The following DLGAP2 variants were observed in gnomAD, a reference collection of about 807,000 sequenced individuals.
DLGAP2 encodes the protein disks large-associated protein 2.
In DLGAP2, 26 loss-of-function variants were observed where a neutral mutation model predicts 100.3. The observed-to-expected ratio is 0.26, with a 90% CI of 0.19 to 0.36. DLGAP2 has a LOEUF of 0.36. DLGAP2 is among the 10% of genes least tolerant of loss of function. The pLI is 1.00. For synonymous variants in DLGAP2, 886 were observed against 630.1 expected (o/e 1.41, Z -6.08); for missense variants, 1,858 against 1,453.2 (o/e 1.28, Z -4.53).
At chr8:1,210,455 AGT>A (rs1563255583) in intron 2 of DLGAP2, among the ~76,000 whole-genome samples, 1 of 152,160 alleles carries the variant, frequency 6.6e-6, no homozygotes, top group African/African-American at 2.4e-5. Flanking sequence ...GAGCAGCAGG[AGT>A]GTGTGGGGGG....
chr8:1,374,797 A>G (rs1379673771), intron 3 of DLGAP2, among the ~76,000 whole-genome samples: 1 of 152,224 alleles, frequency 6.6e-6, no homozygotes, highest in Non-Finnish European at 1.5e-5. Flanking sequence ...TCAAGGCTTC[A>G]GTCCGAATCG....
chr8:1,205,434 G>C (rs899132460), intron 2 of DLGAP2, among the ~76,000 whole-genome samples: 2 of 151,762 alleles, frequency 1.3e-5, no homozygotes, highest in African/African-American at 4.9e-5. Context: ...TTCCTGAAAA[G>C]GCTCTAGAAA....
At chr8:1,129,571 G>T (rs1382049876) in intron 2 of DLGAP2, among the ~76,000 whole-genome samples, 1 of 152,116 alleles carries the variant, frequency 6.6e-6, no homozygotes, top group African/African-American at 2.4e-5. Flanking sequence ...TTCGAGAGGG[G>T]CACCTGCTCC....
intron 1 of DLGAP2, among the ~76,000 whole-genome samples, chr8:801,618 G>A (rs941738490): frequency 1.3e-5 from 2 of 152,156 alleles, no homozygotes; most frequent in African/African-American, 2.4e-5. Flanking sequence ...CTCGCTGGAC[G>A]GTGGGGCTGC....
intron 3 of DLGAP2, among the ~76,000 whole-genome samples, chr8:1,453,233 G>A (rs958964059): frequency 3.9e-5 from 6 of 152,238 alleles, no homozygotes; most frequent in African/African-American, 9.6e-5. Context: ...GAGCTGGGAC[G>A]GAGACGGGAA....
intron 8 of DLGAP2, among the ~76,000 whole-genome samples, chr8:1,634,942 T>G (rs1797733188): frequency 1.3e-5 from 2 of 152,076 alleles, no homozygotes. Flanking sequence ...CCATTCAGAG[T>G]TTCTACCGGA....
At chr8:738,207 G>A (rs1455424800) in intron 1 of DLGAP2, 3 of 163,508 alleles carry the variant, frequency 1.8e-5, no homozygotes, top group Non-Finnish European at 4.0e-5. Flanking sequence ...CCTAGCTCCG[G>A]TGGGGCAGCT....
At chr8:801,224 A>G (rs553062683) in intron 1 of DLGAP2, among the ~76,000 whole-genome samples, 104 of 152,342 alleles carry the variant, frequency 6.8e-4, no homozygotes, top group African/African-American at 2.4e-3. Context: ...GCCGCAAAGC[A>G]ATAATTATGA....
chr8:934,765 G>A (rs1376171407), intron 2 of DLGAP2, among the ~76,000 whole-genome samples: 2 of 152,138 alleles, frequency 1.3e-5, no homozygotes, highest in African/African-American at 4.8e-5. Context: ...AACATTTGGG[G>A]AACCAGAGTA....
At chr8:1,574,162 G>C (rs1802869087) in intron 6 of DLGAP2, among the ~76,000 whole-genome samples, 1 of 152,124 alleles carries the variant, frequency 6.6e-6, no homozygotes, top group Admixed American at 6.6e-5. Flanking sequence ...ATATTTTATA[G>C]TAACACTATT....
In DLGAP2 at chr8:1,029,149, G is replaced by A. The variant is rs116671566; in HGVS notation, c.73+121183G>A. On this transcript the variant is annotated intron_variant, in intron 2 of 14. Coordinates refer to ENST00000637795, the MANE Select transcript of DLGAP2 (RefSeq NM_001346810.2). ...GCGTGGCCGGCCAGGTCCCCAGGGCGTGCCTGTGATCTTGAGTCTAGCAGG... is the reference window on the plus strand; with the variant it reads ...GCGTGGCCGGCCAGGTCCCCAGGGCATGCCTGTGATCTTGAGTCTAGCAGG... Among the ~76,000 whole-genome samples the A allele has an allele frequency of 4.3e-3, 654 of 152,292 alleles. 5 individuals are homozygous for A. The highest frequency in any genetic ancestry group is 0.015 in the African/African-American group (612 of 41,566).
chr8:1,450,589 A>C (rs897762853), intron 3 of DLGAP2, among the ~76,000 whole-genome samples: 1 of 152,074 alleles, frequency 6.6e-6, no homozygotes, highest in Non-Finnish European at 1.5e-5. Flanking sequence ...CCATGGCCCC[A>C]GGGCTACTTC....
intron 2 of DLGAP2, among the ~76,000 whole-genome samples, chr8:1,012,666 G>A (rs1801329210): frequency 1.7e-5 from 2 of 118,396 alleles, no homozygotes; most frequent in East Asian, 2.4e-4. Flanking sequence ...CCACTTCAGC[G>A]GCAGTGTGGA....
intron 1 of DLGAP2, among the ~76,000 whole-genome samples, chr8:741,312 C>G (rs1396430581): frequency 6.6e-6 from 1 of 152,232 alleles, no homozygotes; most frequent in East Asian, 1.9e-4. Flanking sequence ...CAAGGCTTAA[C>G]AGCAGTAACA....
At chr8:1,009,649 C>T (rs980452465) in intron 2 of DLGAP2, among the ~76,000 whole-genome samples, 5 of 152,148 alleles carry the variant, frequency 3.3e-5, no homozygotes, top group Non-Finnish European at 7.3e-5. Flanking sequence ...ACTGACTTAG[C>T]TCAATGTTGG....
In DLGAP2 at chr8:1,276,351, A is replaced by G. The variant is rs1799695903; in HGVS notation, c.106+17468A>G. On this transcript the variant is annotated intron_variant, in intron 3 of 14. Coordinates refer to ENST00000637795, the MANE Select transcript of DLGAP2 (RefSeq NM_001346810.2). ...GGACTGACACATGAATTCACTTGGA[A>G]TGTAGATTCGCGTCGGGCACTATCA... is the stretch of plus-strand genomic sequence containing the variant. 2.0e-5 allele frequency among the ~76,000 whole-genome samples: 3 copies of G among 152,122 alleles called. No homozygotes were observed. In the South Asian group the frequency reaches 6.2e-4, roughly 32 times the overall value.
intron 2 of DLGAP2, among the ~76,000 whole-genome samples, chr8:1,120,233 C>G (rs953960530): frequency 6.6e-6 from 1 of 152,138 alleles, no homozygotes; most frequent in Non-Finnish European, 1.5e-5. Flanking sequence ...GCTTCTGTGG[C>G]TCACACCCAG....
chr8:923,368 C>T (rs926044011), intron 2 of DLGAP2, among the ~76,000 whole-genome samples: 13 of 152,222 alleles, frequency 8.5e-5, no homozygotes, highest in Non-Finnish European at 1.5e-4. Flanking sequence ...GAGGAAGACT[C>T]TGAGGGGCCA....
chr8:1,511,074 A>C lies in DLGAP2; in HGVS notation c.172+9643A>C, dbSNP rs1800144097. ...TTCAGCTTGAAACCTTTCTTATAAT[A>C]CAAGCATCGTCATTTTCACCACACT... On this transcript the variant is annotated intron_variant, in intron 4 of 14. Transcript: ENST00000637795. Among the ~76,000 whole-genome samples, 3 of 152,356 alleles carry C rather than the reference A, an allele frequency of 2.0e-5. No homozygotes were observed. In the South Asian group the frequency reaches 6.2e-4, roughly 32 times the overall value.
Sources: allele counts gnomAD v4.1 joint callset (sites outside exome capture counted in the v4.1 genomes callset), GRCh38; gene constraint gnomAD v4.1.1; transcripts MANE v1.5; gene names NCBI Gene and HGNC (gene_info 2026-07-23, HGNC 2026-07-21).